The following TMEM266 variants were observed in gnomAD, a reference collection of about 807,000 sequenced individuals.
TMEM266 encodes Hv1 related protein 1.
TMEM266 carries 33 observed loss-of-function variants against 50.5 expected under a neutral mutation model. The observed-to-expected ratio is 0.65, with a 90% CI of 0.50 to 0.87. The LOEUF is 0.87. TMEM266 is among the 40% of genes least tolerant of loss of function. TMEM266 has a pLI of 0.00. For missense variants in TMEM266, 655 were observed against 695.1 expected, an observed-to-expected ratio of 0.94 and a Z score of 0.65; for synonymous variants, 310 against 292.3, an observed-to-expected ratio of 1.06 and a Z score of -0.62.
intron 3 of TMEM266, among the ~76,000 whole-genome samples, chr15:76,138,256 TG>T (rs2037624414): frequency 7.2e-6 from 1 of 138,276 alleles, no homozygotes; most frequent in Non-Finnish European, 1.6e-5. Flanking sequence ...AAAAATTCCC[TG>T]GGTTTCTATG....
At chr15:76,091,207 TCAGACATGTAGAGACTCAGAAGA>T in intron 1 of TMEM266, among the ~76,000 whole-genome samples, 1 of 152,252 alleles carries the variant, frequency 6.6e-6, no homozygotes, top group East Asian at 1.9e-4. Context: ...CAAATTGCTT[TCAGACATGTAGAGACTCAGAAGA>T]TTTTTCTATA....
chr15:76,142,639 G>A (rs1187885280), intron 3 of TMEM266, among the ~76,000 whole-genome samples: 1 of 152,166 alleles, frequency 6.6e-6, no homozygotes, highest in East Asian at 1.9e-4. Flanking sequence ...TGGGTGTGAG[G>A]TGGTTTGGTG....
At chr15:76,102,060 C>T (rs1355227952) in intron 1 of TMEM266, among the ~76,000 whole-genome samples, 2 of 152,168 alleles carry the variant, frequency 1.3e-5, no homozygotes, top group Non-Finnish European at 2.9e-5. Context: ...GATTGGGTGA[C>T]CTGCGGCAAC....
At chr15:76,130,373 A>G (rs2037490897) in intron 1 of TMEM266, among the ~76,000 whole-genome samples, 1 of 151,390 alleles carries the variant, frequency 6.6e-6, no homozygotes, top group Non-Finnish European at 1.5e-5. Flanking sequence ...CCCCGTCTCT[A>G]CTAATAATAT....
At chr15:76,143,886 C>T (rs185655099) in intron 3 of TMEM266, among the ~76,000 whole-genome samples, 139 of 152,306 alleles carry the variant, frequency 9.1e-4, no homozygotes, top group African/African-American at 3.0e-3. Flanking sequence ...GTCTCTCTCT[C>T]TCTCTAACAC....
At chr15:76,062,116 T>C (rs180813780) in intron 1 of TMEM266, among the ~76,000 whole-genome samples, 1 of 152,338 alleles carries the variant, frequency 6.6e-6, no homozygotes, top group African/African-American at 2.4e-5. Context: ...ATTGCTGTAG[T>C]TGCATCAGTG....
chr15:76,183,900 C>T (rs1399850974), intron 8 of TMEM266, among the ~76,000 whole-genome samples: 2 of 152,200 alleles, frequency 1.3e-5, no homozygotes, highest in East Asian at 1.9e-4. Flanking sequence ...GTGGAGGAAC[C>T]GGAGCAGACG....
intron 7 of TMEM266, among the ~76,000 whole-genome samples, chr15:76,173,484 G>A (rs1231466470): frequency 6.6e-6 from 1 of 152,228 alleles, no homozygotes; most frequent in Non-Finnish European, 1.5e-5. Context: ...GGAGGTGTCC[G>A]TGGGACTACT....
chr15:76,103,323 C>T (rs2037032836), intron 1 of TMEM266, among the ~76,000 whole-genome samples: 1 of 144,656 alleles, frequency 6.9e-6, no homozygotes, highest in East Asian at 2.0e-4. Context: ...GGCAAAGTCT[C>T]AAAACCCCAT....
chr15:76,178,163 G>A (rs906755803), intron 8 of TMEM266, among the ~76,000 whole-genome samples: 3 of 152,150 alleles, frequency 2.0e-5, no homozygotes, highest in African/African-American at 7.2e-5. Flanking sequence ...GAGGAAGCCT[G>A]GAGGATTAAA....
rs189814130 is a variant in TMEM266, at chr15:76,137,543, C to T, written c.39-164C>T. ...GAGATGGGACTGTTAGGGCCTCAGT[C>T]CAGTCCTCGGGTCCGCGGGTGGCCA... On this transcript the variant is annotated intron_variant, in intron 2 of 10. Coordinates refer to ENST00000388942, the MANE Select transcript of TMEM266 (RefSeq NM_152335.3). Among the ~76,000 whole-genome samples, 307 of 152,306 alleles carry T rather than the reference C, an allele frequency of 2.0e-3. 3 individuals are homozygous for T. The highest frequency in any genetic ancestry group is 7.2e-3 in the African/African-American group (299 of 41,578).
At chr15:76,065,236 C>T (rs749669816) in intron 1 of TMEM266, among the ~76,000 whole-genome samples, 10 of 152,152 alleles carry the variant, frequency 6.6e-5, no homozygotes, top group Non-Finnish European at 1.0e-4. Flanking sequence ...CCATTTCTCC[C>T]TGTCTTTTAA....
intron 1 of TMEM266, among the ~76,000 whole-genome samples, chr15:76,078,293 T>C (rs1233922856): frequency 6.6e-6 from 1 of 152,024 alleles, no homozygotes; most frequent in Non-Finnish European, 1.5e-5. Context: ...AGCTTCCAGG[T>C]GTTCTGACCC....
At chr15:76,076,884 T>G (rs1276854884) in intron 1 of TMEM266, among the ~76,000 whole-genome samples, 1 of 152,132 alleles carries the variant, frequency 6.6e-6, no homozygotes, top group East Asian at 1.9e-4. Context: ...TAATTCCTTT[T>G]CAACCACGCA....
intron 1 of TMEM266, among the ~76,000 whole-genome samples, chr15:76,071,538 G>T (rs2036539559): frequency 6.6e-6 from 1 of 152,116 alleles, no homozygotes; most frequent in Admixed American, 6.5e-5. Context: ...CTCTCCATTT[G>T]GTGCCCCTAA....
At chr15:76,175,919 G>A (rs1376602424) in intron 8 of TMEM266, 5 of 389,440 alleles carry the variant, frequency 1.3e-5, no homozygotes, top group African/African-American at 2.1e-5. Context: ...ACTGTAGCAC[G>A]GTGACTCTTC....
At chr15:76,064,844 A>G (rs763806583) in intron 1 of TMEM266, among the ~76,000 whole-genome samples, 10 of 152,190 alleles carry the variant, frequency 6.6e-5, no homozygotes, top group East Asian at 1.9e-4. Context: ...AATGCATGCA[A>G]TGCTTCAGCT....
At chr15:76,131,688 C>G (rs1387798084) in intron 1 of TMEM266, among the ~76,000 whole-genome samples, 1 of 152,196 alleles carries the variant, frequency 6.6e-6, no homozygotes, top group African/African-American at 2.4e-5. Flanking sequence ...ACCCTCCTTA[C>G]TAAGGAATAC....
In TMEM266 at chr15:76,084,834, C is replaced by T. The variant is rs186204146; in HGVS notation, c.-97+24818C>T. ...GCCAGGCTGGTCTTGAACTCCTGAC[C>T]TCGTGATCTGCCTGCCTTGGCCTCC... On this transcript the variant is annotated intron_variant, in intron 1 of 10. Transcript: ENST00000388942. Among the ~76,000 whole-genome samples the T allele has an allele frequency of 1.4e-3, 209 of 152,056 alleles. 2 individuals are homozygous for T. The highest frequency in any genetic ancestry group is 4.8e-3 in the African/African-American group (198 of 41,476).
Sources: allele counts gnomAD v4.1 joint callset (sites outside exome capture counted in the v4.1 genomes callset), GRCh38; gene constraint gnomAD v4.1.1; transcripts MANE v1.5; gene names NCBI Gene and HGNC (gene_info 2026-07-23, HGNC 2026-07-21).